The following GRM8 variants were observed in gnomAD, a reference collection of about 807,000 sequenced individuals.
GRM8 encodes metabotropic glutamate receptor 8.
Under a neutral mutation model 87.2 loss-of-function variants are expected in GRM8, and 47 were observed. That is an observed-to-expected ratio of 0.54 (90% CI 0.43 to 0.69). The LOEUF is 0.69. Ranked by LOEUF, GRM8 falls within the 30% of genes least tolerant of loss-of-function variation. The pLI is 0.00. For missense variants in GRM8, 1,019 were observed against 1,139.2 expected, an observed-to-expected ratio of 0.89 and a Z score of 1.52; for synonymous variants, 396 against 404.5, an observed-to-expected ratio of 0.98 and a Z score of 0.25.
At chr7:126,877,678 T>A (rs1377538360) in intron 6 of GRM8, among the ~76,000 whole-genome samples, 1 of 152,202 alleles carries the variant, frequency 6.6e-6, no homozygotes, top group Non-Finnish European at 1.5e-5. Context: ...ATTCTTAATA[T>A]TTACCTGTCT....
chr7:126,504,459 C>T (rs932588816), intron 9 of GRM8, among the ~76,000 whole-genome samples: 1 of 151,754 alleles, frequency 6.6e-6, no homozygotes, highest in African/African-American at 2.4e-5. Flanking sequence ...ATGTATGGTG[C>T]CAGTGTACTG....
intron 3 of GRM8, among the ~76,000 whole-genome samples, chr7:127,066,019 A>T (rs1383978862): frequency 6.6e-6 from 1 of 151,912 alleles, no homozygotes; most frequent in Non-Finnish European, 1.5e-5. Flanking sequence ...ATAATTACTT[A>T]AAAAACAGAT....
intron 2 of GRM8, among the ~76,000 whole-genome samples, chr7:127,127,402 T>C (rs1396557976): frequency 2.0e-5 from 3 of 151,978 alleles, no homozygotes; most frequent in African/African-American, 7.2e-5. Flanking sequence ...CATCAATAGG[T>C]GACTGAATAA....
chr7:126,958,923 T>C (rs946153888), intron 3 of GRM8, among the ~76,000 whole-genome samples: 2 of 152,226 alleles, frequency 1.3e-5, no homozygotes, highest in African/African-American at 2.4e-5. Context: ...AGCTGCCCAA[T>C]GTTATCAAAA....
chr7:126,777,994 T>A (rs1299808437), intron 6 of GRM8, among the ~76,000 whole-genome samples: 1 of 152,156 alleles, frequency 6.6e-6, no homozygotes, highest in Admixed American at 6.6e-5. Flanking sequence ...CTTTATATGA[T>A]TTTTCTTAAA....
At chr7:126,905,433 TC>T (rs1294672648) in intron 3 of GRM8, among the ~76,000 whole-genome samples, 1 of 152,112 alleles carries the variant, frequency 6.6e-6, no homozygotes, top group African/African-American at 2.4e-5. Context: ...AGAAAGAGGT[TC>T]CCCCAGTTGC....
At chr7:126,987,492 G>C (rs761116161) in intron 3 of GRM8, among the ~76,000 whole-genome samples, 1 of 151,020 alleles carries the variant, frequency 6.6e-6, no homozygotes, top group East Asian at 1.9e-4. Flanking sequence ...ACAGAGTCTC[G>C]CTCTCTCGTC....
At chr7:127,226,612 C>G (rs1185746620) in intron 2 of GRM8, among the ~76,000 whole-genome samples, 1 of 152,174 alleles carries the variant, frequency 6.6e-6, no homozygotes. Context: ...CTTGTAAAAA[C>G]TCAGGAAGGT....
intron 3 of GRM8, among the ~76,000 whole-genome samples, chr7:127,060,823 A>T (rs1263712238): frequency 2.6e-5 from 4 of 151,686 alleles, no homozygotes; most frequent in East Asian, 1.9e-4. Context: ...AAAAAAAAAA[A>T]TTTAACTCAT....
At chr7:126,918,788 T>C (rs1586454306) in intron 3 of GRM8, among the ~76,000 whole-genome samples, 1 of 152,340 alleles carries the variant, frequency 6.6e-6, no homozygotes, top group Non-Finnish European at 1.5e-5. Context: ...ATATAGCCGG[T>C]GTTTTATAAC....
intron 2 of GRM8, among the ~76,000 whole-genome samples, chr7:127,170,901 G>A (rs1240754438): frequency 3.9e-5 from 6 of 152,216 alleles, no homozygotes; most frequent in South Asian, 4.1e-4. Flanking sequence ...TACACTGCTC[G>A]GGTGATGGGT....
At chr7:126,608,829 C>A (rs75454216) in intron 8 of GRM8, among the ~76,000 whole-genome samples, 3 of 150,244 alleles carry the variant, frequency 2.0e-5, no homozygotes, top group East Asian at 2.0e-4. Flanking sequence ...AGTGGCGCGA[C>A]CTCGGCTCAC....
intron 9 of GRM8, among the ~76,000 whole-genome samples, chr7:126,452,020 G>C (rs181243443): frequency 6.6e-6 from 1 of 151,612 alleles, no homozygotes; most frequent in Non-Finnish European, 1.5e-5. Flanking sequence ...TACCTGTGTT[G>C]TTCACGGCTG....
chr7:127,238,068 C>A (rs755601279), intron 2 of GRM8, among the ~76,000 whole-genome samples: 16 of 152,146 alleles, frequency 1.1e-4, no homozygotes, highest in Middle Eastern at 3.2e-3. Flanking sequence ...ACTACACAAT[C>A]TCTTATGGGG....
intron 8 of GRM8, among the ~76,000 whole-genome samples, chr7:126,566,462 A>T (rs1794224989): frequency 6.6e-6 from 1 of 152,198 alleles, no homozygotes; most frequent in Admixed American, 6.6e-5. Flanking sequence ...TAATCAGGAA[A>T]ATGCAAATCA....
intron 7 of GRM8, among the ~76,000 whole-genome samples, chr7:126,645,993 A>G (rs1802996960): frequency 6.6e-6 from 1 of 151,440 alleles, no homozygotes; most frequent in African/African-American, 2.4e-5. Flanking sequence ...TCTTTTACTC[A>G]CCCCCTCCCT....
chr7:126,695,318 A>G (rs1485691938), intron 7 of GRM8, among the ~76,000 whole-genome samples: 1 of 152,188 alleles, frequency 6.6e-6, no homozygotes, highest in African/African-American at 2.4e-5. Context: ...CAAGAACTGT[A>G]TAATGTACTA....
intron 9 of GRM8, among the ~76,000 whole-genome samples, chr7:126,513,126 A>C (rs1184496371): frequency 6.6e-6 from 1 of 152,112 alleles, no homozygotes; most frequent in Non-Finnish European, 1.5e-5. Context: ...TTTTAAAAAT[A>C]AGTCTTTAAA....
intron 2 of GRM8, among the ~76,000 whole-genome samples, chr7:127,231,545 A>G (rs1411056179): frequency 6.6e-6 from 1 of 152,234 alleles, no homozygotes; most frequent in Non-Finnish European, 1.5e-5. Context: ...CCTAAAATGA[A>G]TGTGACTTCT....
Sources: gnomAD v4.1 joint callset for allele counts (sites outside exome capture counted in the v4.1 genomes callset) on GRCh38, gnomAD v4.1.1 for gene constraint, MANE v1.5 for transcripts, NCBI Gene and HGNC (gene_info 2026-07-23, HGNC 2026-07-21) for gene names.